CSMD1: variants seen among roughly 807,000 people sequenced by gnomAD.
CSMD1 encodes the protein CUB and Sushi multiple domains 1, also known as CUB and sushi domain-containing protein 1.
CSMD1 carries 213 observed loss-of-function variants against 417.5 expected under a neutral mutation model. The observed-to-expected ratio is 0.51, with a 90% confidence interval of 0.46 to 0.57. The LOEUF (loss-of-function observed/expected upper bound fraction) is 0.57, where lower values mean the gene tolerates loss of function less well. CSMD1 is among the 20% of genes least tolerant of loss of function. The pLI is 0.00. For missense variants in CSMD1, 6,923 were observed against 4,529.7 expected, an observed-to-expected ratio of 1.53 and a Z score of -15.17; for synonymous variants, 2,862 against 1,736.8, an observed-to-expected ratio of 1.65 and a Z score of -16.11.
At chr8:3,678,310 A>T (rs1378129279) in intron 7 of CSMD1, among the ~76,000 whole-genome samples, 1 of 152,202 alleles carries the variant, frequency 6.6e-6, no homozygotes, top group Non-Finnish European at 1.5e-5. Flanking sequence ...ACGAATGGCT[A>T]ACTAGAATAA....
chr8:4,625,322 A>C (rs1802033381), intron 2 of CSMD1, among the ~76,000 whole-genome samples: 1 of 152,080 alleles, frequency 6.6e-6, no homozygotes, highest in African/African-American at 2.4e-5. Context: ...ATGTCTTAAA[A>C]AGTCTCAATA....
intron 30 of CSMD1, among the ~76,000 whole-genome samples, chr8:3,212,650 G>C (rs981844667): frequency 6.6e-6 from 1 of 151,954 alleles, no homozygotes; most frequent in Non-Finnish European, 1.5e-5. Context: ...CACTACACCT[G>C]GCCTAAGTTC....
chr8:4,771,775 T>G (rs1172048682), intron 1 of CSMD1, among the ~76,000 whole-genome samples: 2 of 152,196 alleles, frequency 1.3e-5, no homozygotes, highest in Non-Finnish European at 2.9e-5. Context: ...CGCAAGTTGT[T>G]GACTTTCCAC....
At chr8:4,375,761 C>G (rs1445012754) in intron 3 of CSMD1, among the ~76,000 whole-genome samples, 4 of 152,156 alleles carry the variant, frequency 2.6e-5, no homozygotes, top group African/African-American at 7.2e-5. Context: ...CCTGCCCTGT[C>G]TTTGTACAGT....
chr8:3,561,797 A>G (rs1799476913), intron 10 of CSMD1, among the ~76,000 whole-genome samples: 1 of 148,946 alleles, frequency 6.7e-6, no homozygotes, highest in Non-Finnish European at 1.5e-5. Context: ...AAAAACAGAA[A>G]AAGAAAAAAA....
intron 2 of CSMD1, among the ~76,000 whole-genome samples, chr8:4,578,422 G>C (rs535643289): frequency 1.4e-5 from 2 of 138,272 alleles, no homozygotes; most frequent in African/African-American, 5.5e-5. Context: ...CTCATGATTC[G>C]CCCACCTCAG....
At chr8:3,617,221 A>G (rs1802184871) in intron 7 of CSMD1, among the ~76,000 whole-genome samples, 1 of 152,208 alleles carries the variant, frequency 6.6e-6, no homozygotes, top group South Asian at 2.1e-4. Context: ...TATACAAAAG[A>G]TACTTTAAAT....
At chr8:3,393,410 T>C (rs1478602936) in intron 17 of CSMD1, among the ~76,000 whole-genome samples, 1 of 152,192 alleles carries the variant, frequency 6.6e-6, no homozygotes. Flanking sequence ...TCTCACACAA[T>C]TATCACTGTA....
At chr8:3,921,483 G>A (rs949333969) in intron 5 of CSMD1, among the ~76,000 whole-genome samples, 1 of 151,852 alleles carries the variant, frequency 6.6e-6, no homozygotes, top group African/African-American at 2.4e-5. Flanking sequence ...TGTAAAGTTA[G>A]GTTGCTTATA....
At chr8:4,575,300 C>T (rs1028936054) in intron 2 of CSMD1, among the ~76,000 whole-genome samples, 4 of 152,072 alleles carry the variant, frequency 2.6e-5, no homozygotes, top group Admixed American at 6.6e-5. Context: ...TGTCCCTGTC[C>T]TTTTTATGTA....
At position 4,182,982 on chromosome 8, in the gene CSMD1, G is replaced by C. The variant is rs562242852; in HGVS notation, c.416-150883C>G. 2.3e-4 allele frequency among the ~76,000 whole-genome samples: 35 copies of C among 152,184 alleles called. No individual in the cohort carries two copies. The South Asian group carries it at 7.3e-3, about 32-fold the overall frequency. On this transcript the variant is annotated intron_variant, in intron 3 of 69. Coordinates refer to ENST00000635120, the MANE Select transcript of CSMD1 (RefSeq NM_033225.6). ...TAAAGAAAGAGGCAAGGAAAGGAAG[G>C]ATCAAAGTCTTTCAAGTAAAGAGTA...
intron 6 of CSMD1, among the ~76,000 whole-genome samples, chr8:3,746,157 G>A (rs1010430544): frequency 6.6e-6 from 1 of 152,212 alleles, no homozygotes; most frequent in East Asian, 1.9e-4. Flanking sequence ...AAGAATAAGA[G>A]CAGCTCAGGG....
Position 4,730,103 on chromosome 8 carries a change from C to A in CSMD1, c.86-92545G>T, listed in dbSNP as rs541781866. Among the ~76,000 whole-genome samples the A allele has an allele frequency of 2.0e-5, 3 of 152,106 alleles. No homozygotes were observed. The East Asian group carries it at 5.8e-4, about 29-fold the overall frequency. On this transcript the variant is annotated intron_variant, in intron 1 of 69. Coordinates refer to ENST00000635120, the MANE Select transcript of CSMD1 (RefSeq NM_033225.6). ...GTATGACATCTTTATTACCCCTTTT[C>A]GTCTCCGCACTTAGAAGCATTGAGA...
At chr8:4,342,629 C>T (rs1409706118) in intron 3 of CSMD1, among the ~76,000 whole-genome samples, 1 of 151,918 alleles carries the variant, frequency 6.6e-6, no homozygotes, top group Non-Finnish European at 1.5e-5. Context: ...CACATGCAGA[C>T]ATTCTTTATT....
At chr8:4,188,867 T>A (rs1197240835) in intron 3 of CSMD1, among the ~76,000 whole-genome samples, 1 of 152,146 alleles carries the variant, frequency 6.6e-6, no homozygotes, top group Non-Finnish European at 1.5e-5. Context: ...CTGCATTTGT[T>A]ATTGGGTCTA....
intron 1 of CSMD1, among the ~76,000 whole-genome samples, chr8:4,836,502 A>G (rs1800501686): frequency 1.3e-5 from 2 of 152,324 alleles, no homozygotes; most frequent in African/African-American, 4.8e-5. Context: ...AGCTAACATG[A>G]ATCATGCATA....
intron 3 of CSMD1, among the ~76,000 whole-genome samples, chr8:4,080,792 C>G (rs556378371): frequency 1.8e-4 from 28 of 152,252 alleles, no homozygotes; most frequent in Middle Eastern, 3.4e-3. Flanking sequence ...ACACCCCTCT[C>G]TAAGTATTTG....
chr8:4,711,060 A>C (rs1808261959), intron 1 of CSMD1, among the ~76,000 whole-genome samples: 1 of 151,860 alleles, frequency 6.6e-6, no homozygotes, highest in Admixed American at 6.6e-5. Context: ...AATTAGGCAA[A>C]ATCATGACAT....
intron 5 of CSMD1, among the ~76,000 whole-genome samples, chr8:3,916,258 A>T (rs749739074): frequency 6.6e-6 from 1 of 152,176 alleles, no homozygotes; most frequent in Non-Finnish European, 1.5e-5. Flanking sequence ...TATATACAAC[A>T]GGAGCCCAGA....
Sources: allele counts gnomAD v4.1 joint callset (sites outside exome capture counted in the v4.1 genomes callset), GRCh38; gene constraint gnomAD v4.1.1; transcripts MANE v1.5; gene names NCBI Gene and HGNC (gene_info 2026-07-23, HGNC 2026-07-21).